The following DLGAP1 variants were observed in gnomAD, a reference collection of about 807,000 sequenced individuals.
The protein encoded by DLGAP1 is disks large-associated protein 1.
DLGAP1 carries 11 observed loss-of-function variants against 90.8 expected under a neutral mutation model. That is an observed-to-expected ratio of 0.12 (90% CI 0.08 to 0.20). The LOEUF is 0.20. DLGAP1 is among the 10% of genes least tolerant of loss of function. The pLI is 1.00. For missense variants in DLGAP1, 1,050 were observed against 1,333.8 expected, an observed-to-expected ratio of 0.79 and a Z score of 3.31; for synonymous variants, 558 against 540.7, an observed-to-expected ratio of 1.03 and a Z score of -0.44.
At position 4,404,773 on chromosome 18, in the gene DLGAP1, C is replaced by A. The variant is rs925386658; in HGVS notation, c.-267+50233G>T. Among the ~76,000 whole-genome samples the A allele has an allele frequency of 3.3e-5, 5 of 152,180 alleles. No homozygotes were observed. The South Asian group carries it at 1.0e-3, about 32-fold the overall frequency. On this transcript the variant is annotated intron_variant, in intron 1 of 12. Coordinates refer to ENST00000315677, the MANE Select transcript of DLGAP1 (RefSeq NM_004746.4). ...ACGCATAAAGGCCAGACAAATACAG[C>A]AAAGTCACAGAAGACTCTGGCAGGA...
intron 3 of DLGAP1, among the ~76,000 whole-genome samples, chr18:3,907,066 T>A (rs1200017846): frequency 6.6e-6 from 1 of 152,208 alleles, no homozygotes; most frequent in Admixed American, 6.5e-5. Flanking sequence ...GATATGCATA[T>A]GCAATTATAT....
At chr18:3,671,268 G>A (rs1299882130) in intron 7 of DLGAP1, among the ~76,000 whole-genome samples, 1 of 151,124 alleles carries the variant, frequency 6.6e-6, no homozygotes, top group African/African-American at 2.4e-5. Context: ...CACAGCTCAT[G>A]GTTGCCTAGG....
intron 1 of DLGAP1, among the ~76,000 whole-genome samples, chr18:4,412,296 C>T (rs1232482496): frequency 6.6e-6 from 1 of 152,168 alleles, no homozygotes; most frequent in Non-Finnish European, 1.5e-5. Context: ...ACCTCCTGGG[C>T]CTAAACAAGT....
intron 7 of DLGAP1, chr18:3,606,825 G>A (rs1434540120): frequency 1.3e-5 from 2 of 152,170 alleles, no homozygotes; most frequent in Non-Finnish European, 2.9e-5. Context: ...TCACTGCTAT[G>A]ACATGACTAG....
At chr18:4,450,792 T>C (rs1041856514) in intron 1 of DLGAP1, among the ~76,000 whole-genome samples, 1 of 152,128 alleles carries the variant, frequency 6.6e-6, no homozygotes, top group Non-Finnish European at 1.5e-5. Context: ...AATATGAAAA[T>C]GAACAGTTTG....
At chr18:4,317,215 T>A (rs760856923) in intron 1 of DLGAP1, among the ~76,000 whole-genome samples, 6 of 152,208 alleles carry the variant, frequency 3.9e-5, no homozygotes, top group Non-Finnish European at 5.9e-5. Context: ...CTGTATGGTT[T>A]TACCACCTGT....
In DLGAP1 at chr18:3,972,399, C is replaced by G. The variant is rs111559333; in HGVS notation, c.-73+32717G>C. On this transcript the variant is annotated intron_variant, in intron 3 of 12. Transcript: ENST00000315677. ...TCTATCTATATCAGTTTATATATAA[C>G]TCTCCCTAGTCCTCTGGTTGATTCA... is the stretch of plus-strand genomic sequence containing the variant. Among the ~76,000 whole-genome samples, 87 of 152,120 alleles carry G rather than the reference C, an allele frequency of 5.7e-4. 1 individual carries two copies. Among genetic ancestry groups the G allele is most frequent in the African/African-American group, 2.0e-3 (85 of 41,522 alleles).
chr18:4,326,003 T>C (rs1398300387), intron 1 of DLGAP1, among the ~76,000 whole-genome samples: 3 of 152,052 alleles, frequency 2.0e-5, no homozygotes, highest in Non-Finnish European at 4.4e-5. Flanking sequence ...AAAACAAAAA[T>C]TGATAAATGG....
chr18:3,944,582 C>A (rs569535355), intron 3 of DLGAP1, among the ~76,000 whole-genome samples: 1 of 152,360 alleles, frequency 6.6e-6, no homozygotes, highest in South Asian at 2.1e-4. Context: ...CCTCAGCCAA[C>A]TTTCTGCTTA....
intron 1 of DLGAP1, among the ~76,000 whole-genome samples, chr18:4,325,226 G>A (rs1487585038): frequency 6.6e-6 from 1 of 152,108 alleles, no homozygotes; most frequent in African/African-American, 2.4e-5. Context: ...CAGCCAAGCT[G>A]AGAGCCAAAT....
chr18:4,236,071 G>T (rs1312092752), intron 1 of DLGAP1, among the ~76,000 whole-genome samples: 1 of 152,110 alleles, frequency 6.6e-6, no homozygotes, highest in East Asian at 1.9e-4. Context: ...TTTAGGACCA[G>T]ATTGCCTGGG....
At chr18:3,505,132 G>GACCTAAGCAGTGCTGCC (rs71159085) in intron 11 of DLGAP1, among the ~76,000 whole-genome samples, 7 of 151,908 alleles carry the variant, frequency 4.6e-5, no homozygotes, top group South Asian at 4.1e-4. Flanking sequence ...TGCAGCTGTG[G>GACCTAAGCAGTGCTGCC]ACCAGGCCAC....
chr18:3,637,528 G>A (rs1159685392), intron 7 of DLGAP1, among the ~76,000 whole-genome samples: 2 of 146,246 alleles, frequency 1.4e-5, no homozygotes, highest in Non-Finnish European at 3.0e-5. Context: ...GAGCCCAGGA[G>A]TTCAAGACCA....
chr18:3,845,477 A>T, intron 4 of DLGAP1: 2 of 1,314,072 alleles, frequency 1.5e-6, no homozygotes, highest in Non-Finnish European at 1.9e-6. Context: ...TAATGAAATA[A>T]AACCCTATAG....
chr18:3,795,442 A>G (rs1215529538), intron 5 of DLGAP1, among the ~76,000 whole-genome samples: 1 of 151,744 alleles, frequency 6.6e-6, no homozygotes, highest in Non-Finnish European at 1.5e-5. Context: ...CAGCCTCCTG[A>G]GTAGCTGGGA....
chr18:4,100,524 T>C (rs986482419), intron 2 of DLGAP1, among the ~76,000 whole-genome samples: 2 of 152,202 alleles, frequency 1.3e-5, no homozygotes, highest in Non-Finnish European at 2.9e-5. Flanking sequence ...GAATAGTAAA[T>C]GCGCATTGGC....
intron 7 of DLGAP1, among the ~76,000 whole-genome samples, chr18:3,629,868 G>A (rs1454185959): frequency 6.6e-6 from 1 of 151,976 alleles, no homozygotes; most frequent in Non-Finnish European, 1.5e-5. Flanking sequence ...AACACAATAG[G>A]CAAATGTAGC....
rs762079490 is a variant in DLGAP1 at position 3,597,255 on chromosome 18, C to T, written c.1592-15007G>A. The T allele has an allele frequency of 2.8e-5, 14 of 501,150 alleles. No homozygotes were observed. In the East Asian group the frequency reaches 7.6e-4, roughly 27 times the overall value. 31.0% of individuals were successfully genotyped at this position (501,150 alleles called of 1,614,324 possible). A position where few individuals can be genotyped will look rare whatever the true frequency, so the allele number is the denominator to read the frequency against. ...AATTAGTAGCACCTGCACAATGGGG[C>T]CTTGGAGACAGGAATAAAAGGAAAA... On this transcript the variant is annotated intron_variant, in intron 7 of 12. Transcript: ENST00000315677.
intron 2 of DLGAP1, among the ~76,000 whole-genome samples, chr18:4,111,965 T>A (rs926900124): frequency 1.1e-4 from 17 of 151,008 alleles, no homozygotes; most frequent in African/African-American, 3.4e-4. Flanking sequence ...TAATAATAAT[T>A]ATTATTTATA....
Sources: gnomAD v4.1 joint callset for allele counts (sites outside exome capture counted in the v4.1 genomes callset) on GRCh38, gnomAD v4.1.1 for gene constraint, MANE v1.5 for transcripts, NCBI Gene and HGNC (gene_info 2026-07-23, HGNC 2026-07-21) for gene names.